Variants in ZNF821 observed in about 807,000 individuals in gnomAD.
ZNF821 encodes zinc finger protein 821.
ZNF821 carries 16 observed loss-of-function variants against 44.3 expected under a neutral mutation model. The observed-to-expected ratio is 0.36, with a 90% CI of 0.24 to 0.55. The LOEUF is 0.55. Among genes scored for constraint, ZNF821 ranks in the 20% least tolerant of loss-of-function variants. ZNF821 has a pLI of 0.86. For synonymous variants in ZNF821, 204 were observed against 197.6 expected, an observed-to-expected ratio of 1.03 and a Z score of -0.27; for missense variants, 436 against 547.6, an observed-to-expected ratio of 0.80 and a Z score of 2.03.
At chr16:71,868,683 CA>C (rs2034829224) in intron 3 of ZNF821, among the ~76,000 whole-genome samples, 1 of 151,632 alleles carries the variant, frequency 6.6e-6, no homozygotes, top group Non-Finnish European at 1.5e-5. Context: ...TGCAGAAGAA[CA>C]AACTTCCTGA....
intron 6 of ZNF821, 111 bp from the exon 7 acceptor site, chr16:71,862,053 A>C: frequency 7.9e-7 from 1 of 1,266,546 alleles, no homozygotes; most frequent in Non-Finnish European, 1.1e-6. Flanking sequence ...CAGAATAAGG[A>C]ACTTCCAAGT....
chr16:71,868,093 C>A, intron 3 of ZNF821, 56 bp from the exon 4 acceptor site: 2 of 1,512,996 alleles, frequency 1.3e-6, no homozygotes, highest in Non-Finnish European at 8.8e-7. Context: ...TATCCCCAGG[C>A]AAGCTGGTTG....
At chr16:71,869,557 C>T (rs2034951501) in intron 3 of ZNF821, among the ~76,000 whole-genome samples, 1 of 152,068 alleles carries the variant, frequency 6.6e-6, no homozygotes, top group African/African-American at 2.4e-5. Context: ...GTAGGGATTA[C>T]TATCTATATT....
At chr16:71,880,838 T>G (rs78267877) in intron 2 of ZNF821, among the ~76,000 whole-genome samples, 3,876 of 152,138 alleles carry the variant, frequency 0.025, 164 homozygotes, top group African/African-American at 0.088. Context: ...GTGGGAGGAA[T>G]AAAGAGAAAA....
At chr16:71,875,657 T>C (rs1217669160) in intron 3 of ZNF821, among the ~76,000 whole-genome samples, 2 of 152,078 alleles carry the variant, frequency 1.3e-5, no homozygotes, top group Non-Finnish European at 2.9e-5. Flanking sequence ...AGAGACGGGG[T>C]TACACCGTGT....
chr16:71,875,119 C>T (rs1379067062), intron 3 of ZNF821, among the ~76,000 whole-genome samples: 4 of 152,094 alleles, frequency 2.6e-5, no homozygotes, highest in Non-Finnish European at 4.4e-5. Flanking sequence ...CTCACAGCCC[C>T]GCAGTAAAGG....
chr16:71,890,091 A>T (rs1028908622), intron 1 of ZNF821, among the ~76,000 whole-genome samples: 1 of 152,220 alleles, frequency 6.6e-6, no homozygotes, highest in East Asian at 1.9e-4. Context: ...AGATAAGTTA[A>T]TATTTGTATA....
chr16:71,860,415 T>C lies in ZNF821; in HGVS notation c.842A>G (p.Lys281Arg), dbSNP rs1291535432. ...GGTCTCATTGTCCCGCCGGCTCTTC[T>C]TGGCCGTGCGCTCTCGTTCCAGCCG... ...LQRLERERTAKKSRRDNETPE... is the reference protein window; with the variant it reads ...LQRLERERTARKSRRDNETPE... The change falls in exon 8 of 8, where the codon AAG (lysine) becomes AGG (arginine). Residue 281 changes from lysine (K) to arginine (R), a missense_variant. Transcript: ENST00000425432. This position sits in a 1 kb window ranked among gnomAD's most constrained non-coding sequence, Gnocchi z 7.3. The C allele has an allele frequency of 1.9e-6, 3 of 1,613,280 alleles. No homozygotes were observed. Among genetic ancestry groups the C allele is most frequent in the Admixed American group, 3.3e-5 (2 of 60,030 alleles).
intron 1 of ZNF821, among the ~76,000 whole-genome samples, chr16:71,893,126 G>A (rs1411030378): frequency 7.1e-6 from 1 of 140,360 alleles, no homozygotes; most frequent in Non-Finnish European, 1.5e-5. Context: ...ATCTCCTGGC[G>A]CCATTCTCCT....
chr16:71,873,782 G>A (rs1370993178), intron 3 of ZNF821, among the ~76,000 whole-genome samples: 2 of 151,726 alleles, frequency 1.3e-5, no homozygotes, highest in East Asian at 3.9e-4. Context: ...ACCTCCTAAA[G>A]TATTGGGATT....
chr16:71,882,594 G>A (rs762494869), intron 2 of ZNF821, among the ~76,000 whole-genome samples: 1 of 152,102 alleles, frequency 6.6e-6, no homozygotes, highest in Non-Finnish European at 1.5e-5. Flanking sequence ...GGCCAAATGG[G>A]GAACTGACCA....
chr16:71,876,300 T>A (rs1343434783), intron 3 of ZNF821, among the ~76,000 whole-genome samples: 1 of 151,802 alleles, frequency 6.6e-6, no homozygotes, highest in Non-Finnish European at 1.5e-5. Flanking sequence ...GCCTCCCGAG[T>A]TCAAGTGATT....
At chr16:71,893,028 G>GTTTTTTTT (rs767096247) in intron 1 of ZNF821, among the ~76,000 whole-genome samples, 2 of 37,962 alleles carry the variant, frequency 5.3e-5, no homozygotes, top group Non-Finnish European at 1.0e-4. Flanking sequence ...ACCCTGCCTG[G>GTTTTTTTT]CTTTTTTTTT....
chr16:71,864,146 C>A lies in ZNF821; in HGVS notation c.409G>T (p.Val137Leu). Residue 137 changes from valine (V) to leucine (L), a missense_variant, in exon 6 of 8, where the codon GTG becomes TTG. Physicochemically the swap from Val to Leu is conservative, Grantham distance 32 (BLOSUM62 1). This residue lies in a region of ZNF821 where 238 missense variants were observed against 281.4 expected (regional missense o/e 0.85). Coordinates refer to ENST00000425432, the MANE Select transcript of ZNF821 (RefSeq NM_001201552.2). ...AGCTCCCCCATCCATACCTGGTACA[C>A]GTGAGCAATCAACTGCTCCCGGCTC... ...CGSREQLIAH[V>L]YQHTAAVVSA... The A allele has an allele frequency of 2.5e-6, 4 of 1,613,994 alleles. No individual in the cohort carries two copies. The highest frequency in any genetic ancestry group is 2.2e-5 in the East Asian group (1 of 44,878).
intron 3 of ZNF821, among the ~76,000 whole-genome samples, chr16:71,876,496 G>C (rs963196411): frequency 2.0e-5 from 3 of 151,742 alleles, no homozygotes; most frequent in African/African-American, 7.3e-5. Flanking sequence ...TGCACCACCT[G>C]TGCCCGGCCA....
At chr16:71,886,297 G>A (rs2036850930), upstream of ZNF821, among the ~76,000 whole-genome samples, 1 of 152,198 alleles carries the variant, frequency 6.6e-6, no homozygotes, top group Non-Finnish European at 1.5e-5. Flanking sequence ...CTACTCAGGA[G>A]GCTGAGATGG....
At chr16:71,883,169 C>A (rs1394569136) in intron 2 of ZNF821, 42 bp downstream of exon 2, 3 of 456,438 alleles carry the variant, frequency 6.6e-6, no homozygotes, top group Admixed American at 2.3e-5. Context: ...AGAAAAAAAA[C>A]GAGTGAAATC....
intron 1 of ZNF821, chr16:71,890,804 C>G (rs1172648506): frequency 1.3e-4 from 15 of 114,752 alleles, no homozygotes; most frequent in African/African-American, 5.4e-4. Context: ...GGGAGTCTCA[C>G]TCTGTCACCC....
exon 1 of ZNF821, chr16:71,895,159 G>A (rs1011817143): frequency 1.5e-5 from 4 of 262,148 alleles, no homozygotes; most frequent in Non-Finnish European, 2.2e-5. Flanking sequence ...CGGCGTCAGA[G>A]AGGCGGTACT....
Sources: gnomAD v4.1 joint callset for allele counts (sites outside exome capture counted in the v4.1 genomes callset) on GRCh38, gnomAD v4.1.1 for gene constraint, gnomAD v4.1.1 regional missense constraint, Gnocchi (gnomAD v3.1) non-coding constraint, MANE v1.5 for transcripts, NCBI Gene and HGNC (gene_info 2026-07-23, HGNC 2026-07-21) for gene names.